KHDRBS2: variants seen among roughly 807,000 people sequenced by gnomAD.
The protein encoded by KHDRBS2 is KH RNA binding domain containing, signal transduction associated 2, also known as KH domain-containing, RNA-binding, signal transduction-associated protein 2.
Under a neutral mutation model 44.3 loss-of-function variants are expected in KHDRBS2, and 26 were observed. The observed-to-expected ratio is 0.59, with a 90% CI of 0.43 to 0.81. KHDRBS2 has a LOEUF of 0.81. Among genes scored for constraint, KHDRBS2 ranks in the 40% least tolerant of loss-of-function variants. KHDRBS2 has a pLI of 0.00. For missense variants in KHDRBS2, 476 were observed against 433.1 expected, an observed-to-expected ratio of 1.10 and a Z score of -0.88; for synonymous variants, 194 against 151.1, an observed-to-expected ratio of 1.28 and a Z score of -2.08.
At chr6:61,956,247 C>A (rs943532002) in intron 4 of KHDRBS2, among the ~76,000 whole-genome samples, 1 of 151,936 alleles carries the variant, frequency 6.6e-6, no homozygotes, top group African/African-American at 2.4e-5. Flanking sequence ...GCATAGCACA[C>A]CAGTATATGT....
At chr6:61,780,467 G>A (rs1328179519) in intron 6 of KHDRBS2, among the ~76,000 whole-genome samples, 4 of 151,978 alleles carry the variant, frequency 2.6e-5, no homozygotes, top group African/African-American at 9.7e-5. Context: ...CTTCAGCCTG[G>A]GCGACAGAGC....
chr6:62,209,092 T>G (rs748247909), intron 1 of KHDRBS2, among the ~76,000 whole-genome samples: 3 of 152,202 alleles, frequency 2.0e-5, no homozygotes, highest in Non-Finnish European at 4.4e-5. Context: ...ACATACTTCT[T>G]AGCCACATAT....
At chr6:61,685,219 A>T (rs1169077919) in intron 8 of KHDRBS2, among the ~76,000 whole-genome samples, 2 of 151,832 alleles carry the variant, frequency 1.3e-5, no homozygotes, top group South Asian at 4.1e-4. Flanking sequence ...TAGTAAGAAC[A>T]CAGGTGCTGT....
chr6:62,217,182 G>T (rs909941071), intron 1 of KHDRBS2, among the ~76,000 whole-genome samples: 2 of 151,634 alleles, frequency 1.3e-5, no homozygotes, highest in South Asian at 4.2e-4. Flanking sequence ...TCTCTTCGCC[G>T]TTTTCAATAA....
chr6:61,970,236 C>A lies in KHDRBS2; in HGVS notation c.483+7830G>T, dbSNP rs142911971. 3.3e-5 allele frequency among the ~76,000 whole-genome samples: 5 copies of A among 151,884 alleles called. No individual in the cohort carries two copies. The East Asian group carries it at 9.7e-4, about 29-fold the overall frequency. ...TATCAATAATTCATTATTGAACTCC[C>A]ATGTTACTTGATTGGGTCATTTAAA... On this transcript the variant is annotated intron_variant, in intron 4 of 8. Transcript: ENST00000281156.
chr6:61,776,477 A>G (rs1397860124), intron 6 of KHDRBS2, among the ~76,000 whole-genome samples: 3 of 152,142 alleles, frequency 2.0e-5, no homozygotes, highest in Non-Finnish European at 2.9e-5. Flanking sequence ...AGTGGGCAAA[A>G]GACATGAACA....
At chr6:61,840,739 T>C (rs949544335) in intron 6 of KHDRBS2, among the ~76,000 whole-genome samples, 7 of 152,118 alleles carry the variant, frequency 4.6e-5, no homozygotes, top group African/African-American at 1.4e-4. Context: ...CAATGTTGCA[T>C]CCCAACTGAG....
intron 3 of KHDRBS2, among the ~76,000 whole-genome samples, chr6:62,030,011 A>G (rs1002086834): frequency 2.0e-5 from 3 of 152,060 alleles, no homozygotes; most frequent in African/African-American, 4.8e-5. Flanking sequence ...TTCCAACAAA[A>G]GACATGCACT....
At chr6:62,282,081 A>G (rs1290282013) in intron 1 of KHDRBS2, among the ~76,000 whole-genome samples, 1 of 152,198 alleles carries the variant, frequency 6.6e-6, no homozygotes, top group Admixed American at 6.5e-5. Flanking sequence ...TGTTTTAGAC[A>G]TGACACTAAT....
At chr6:61,828,884 T>G (rs1280442704) in intron 6 of KHDRBS2, among the ~76,000 whole-genome samples, 1 of 152,242 alleles carries the variant, frequency 6.6e-6, no homozygotes, top group Non-Finnish European at 1.5e-5. Flanking sequence ...TCACATTAGT[T>G]TGTCAAATTA....
intron 6 of KHDRBS2, among the ~76,000 whole-genome samples, chr6:61,768,733 A>G (rs1780376304): frequency 6.6e-6 from 1 of 152,050 alleles, no homozygotes; most frequent in Non-Finnish European, 1.5e-5. Flanking sequence ...AGTAGTGTCA[A>G]CTATTCAAGA....
intron 6 of KHDRBS2, among the ~76,000 whole-genome samples, chr6:61,848,855 G>A (rs945512231): frequency 6.6e-6 from 1 of 151,520 alleles, no homozygotes; most frequent in African/African-American, 2.4e-5. Context: ...ATGATAAGTT[G>A]AAAAGCAGAC....
intron 4 of KHDRBS2, among the ~76,000 whole-genome samples, chr6:61,918,825 T>C (rs555618108): frequency 6.6e-6 from 1 of 152,098 alleles, no homozygotes; most frequent in South Asian, 2.1e-4. Context: ...GTGTTTGACA[T>C]GCATGTAAAA....
intron 3 of KHDRBS2, among the ~76,000 whole-genome samples, chr6:62,041,299 C>A (rs758892044): frequency 1.3e-5 from 2 of 151,948 alleles, no homozygotes; most frequent in African/African-American, 4.8e-5. Context: ...CCACTACACT[C>A]TAGCCTGGGC....
At chr6:61,938,098 C>T (rs1811377405) in intron 4 of KHDRBS2, among the ~76,000 whole-genome samples, 1 of 152,092 alleles carries the variant, frequency 6.6e-6, no homozygotes, top group South Asian at 2.1e-4. Flanking sequence ...TTTGGGTTTA[C>T]AGCACTGGAG....
chr6:62,132,202 T>C (rs1166819271), intron 2 of KHDRBS2, among the ~76,000 whole-genome samples: 1 of 152,200 alleles, frequency 6.6e-6, no homozygotes, highest in African/African-American at 2.4e-5. Flanking sequence ...GATGAATACA[T>C]GGAAGAGTAT....
intron 2 of KHDRBS2, among the ~76,000 whole-genome samples, chr6:62,106,441 T>TG (rs1554405100): frequency 6.6e-5 from 10 of 152,138 alleles, no homozygotes; most frequent in South Asian, 2.1e-4. Context: ...ACTCAGGACT[T>TG]CTGTTATGAA....
chr6:61,866,207 C>G (rs1797768826), intron 6 of KHDRBS2, among the ~76,000 whole-genome samples: 1 of 152,216 alleles, frequency 6.6e-6, no homozygotes, highest in African/African-American at 2.4e-5. Context: ...TGAGAGTCTG[C>G]CCCTAAGGCA....
intron 6 of KHDRBS2, among the ~76,000 whole-genome samples, chr6:61,734,907 T>C (rs1775091083): frequency 6.6e-6 from 1 of 152,198 alleles, no homozygotes; most frequent in African/African-American, 2.4e-5. Flanking sequence ...CATTGTGCTC[T>C]GGTCCACATT....
Sources: gnomAD v4.1 joint callset for allele counts (sites outside exome capture counted in the v4.1 genomes callset) on GRCh38, gnomAD v4.1.1 for gene constraint, MANE v1.5 for transcripts, NCBI Gene and HGNC (gene_info 2026-07-23, HGNC 2026-07-21) for gene names.